ARHGAP15: variants seen among roughly 807,000 people sequenced by gnomAD.
ARHGAP15 encodes the protein rho GTPase-activating protein 15.
A neutral mutation model predicts 63.7 loss-of-function variants in ARHGAP15; 51 were observed. That is an observed-to-expected ratio of 0.80 (90% CI 0.64 to 1.01). The LOEUF (loss-of-function observed/expected upper bound fraction) is 1.01. Among genes scored for constraint, ARHGAP15 ranks in the 50% least tolerant of loss-of-function variants. The probability of loss-of-function intolerance (pLI) is 0.00; values close to 1 mark genes in which losing one functional copy is unlikely to be tolerated. For synonymous variants in ARHGAP15, 191 were observed against 193.8 expected, an observed-to-expected ratio of 0.99 and a Z score of 0.12; for missense variants, 560 against 564.6, an observed-to-expected ratio of 0.99 and a Z score of 0.08.
intron 8 of ARHGAP15, among the ~76,000 whole-genome samples, chr2:143,438,359 C>T (rs1186578846): frequency 6.6e-6 from 1 of 152,036 alleles, no homozygotes; most frequent in Non-Finnish European, 1.5e-5. Context: ...TATACACATA[C>T]ATGCACACAA....
chr2:143,740,554 C>T (rs1396566003), intron 13 of ARHGAP15, among the ~76,000 whole-genome samples: 2 of 152,240 alleles, frequency 1.3e-5, no homozygotes, highest in African/African-American at 2.4e-5. Flanking sequence ...AAGCAATATT[C>T]TCACCAGGCT....
intron 6 of ARHGAP15, among the ~76,000 whole-genome samples, chr2:143,384,968 G>C (rs1687216126): frequency 6.6e-6 from 1 of 152,084 alleles, no homozygotes; most frequent in African/African-American, 2.4e-5. Context: ...AAGATACTTT[G>C]TTTCATTCTA....
At chr2:143,739,738 C>CAT (rs1320191971) in intron 13 of ARHGAP15, among the ~76,000 whole-genome samples, 1 of 152,134 alleles carries the variant, frequency 6.6e-6, no homozygotes, top group Non-Finnish European at 1.5e-5. Flanking sequence ...CACTCTAGGC[C>CAT]ATAGCATTCA....
chr2:143,491,862 A>G (rs1396965808), intron 9 of ARHGAP15, among the ~76,000 whole-genome samples: 1 of 151,970 alleles, frequency 6.6e-6, no homozygotes, highest in African/African-American at 2.4e-5. Flanking sequence ...ACCAAGCCTC[A>G]TCTTAGCTTT....
intron 6 of ARHGAP15, among the ~76,000 whole-genome samples, chr2:143,378,751 CT>C (rs1236416223): frequency 6.6e-6 from 1 of 151,956 alleles, no homozygotes; most frequent in East Asian, 1.9e-4. Context: ...AAGAAATGCC[CT>C]AAAGACAGGT....
In ARHGAP15 at chr2:143,700,687, AGT is replaced by A. The variant is rs377690137; in HGVS notation, c.1139-2717_1139-2716del. Among the ~76,000 whole-genome samples, 448 of 147,000 alleles carry A rather than the reference AGT, an allele frequency of 3.0e-3. 1 individual carries two copies. The highest frequency in any genetic ancestry group is 5.4e-3 in the African/African-American group (222 of 41,040). Reference sequence around the variant, plus strand: ...CCTCTTGAATGAATATATATATATGAGTGTGTGTGTGTGTGTATACACACGCA... The same window carrying A: ...CCTCTTGAATGAATATATATATATGAGTGTGTGTGTGTGTATACACACGCA... On this transcript the variant is annotated intron_variant, in intron 12 of 13. Coordinates refer to ENST00000295095, the MANE Select transcript of ARHGAP15 (RefSeq NM_018460.4).
chr2:143,467,874 T>C (rs775789065), intron 8 of ARHGAP15, among the ~76,000 whole-genome samples: 25 of 152,200 alleles, frequency 1.6e-4, no homozygotes, highest in Non-Finnish European at 3.4e-4. Flanking sequence ...ATTTGTACTA[T>C]ATAATCATTG....
intron 12 of ARHGAP15, among the ~76,000 whole-genome samples, chr2:143,652,796 T>C (rs1681239400): frequency 6.6e-6 from 1 of 152,128 alleles, no homozygotes; most frequent in Non-Finnish European, 1.5e-5. Flanking sequence ...CAATTACTGG[T>C]TCTGATAGTT....
intron 11 of ARHGAP15, among the ~76,000 whole-genome samples, chr2:143,612,985 C>T (rs539414595): frequency 2.6e-5 from 4 of 152,282 alleles, no homozygotes; most frequent in South Asian, 2.1e-4. Context: ...TGCTCAATGA[C>T]GCTTAAAGTT....
In ARHGAP15 at chr2:143,552,568, T is replaced by C. The variant is rs10469551; in HGVS notation, c.926-3840T>C. 2.8e-4 allele frequency among the ~76,000 whole-genome samples: 35 copies of C among 123,760 alleles called. No homozygotes were observed. The East Asian group carries it at 8.0e-3, about 28-fold the overall frequency. 81.2% of individuals were successfully genotyped at this position (123,760 alleles called of 152,430 possible). A position where few individuals can be genotyped will look rare whatever the true frequency, so the allele number is the denominator to read the frequency against. On this transcript the variant is annotated intron_variant, in intron 10 of 13. Coordinates refer to ENST00000295095, the MANE Select transcript of ARHGAP15 (RefSeq NM_018460.4). ...TCTTCAGGAGAAAAAAAAGTCGGGG[T>C]GGGGAGGCAGGGGAAGACTTTTAAA...
At chr2:143,379,759 A>T (rs1387222450) in intron 6 of ARHGAP15, among the ~76,000 whole-genome samples, 1 of 152,058 alleles carries the variant, frequency 6.6e-6, no homozygotes, top group Admixed American at 6.6e-5. Flanking sequence ...TTTTTCAAGT[A>T]AATATACTTC....
At chr2:143,364,384 C>A (rs1469021789) in intron 6 of ARHGAP15, among the ~76,000 whole-genome samples, 2 of 152,050 alleles carry the variant, frequency 1.3e-5, no homozygotes, top group African/African-American at 4.8e-5. Context: ...GTTTAGGATT[C>A]ATTTAGGAGT....
chr2:143,431,417 A>C (rs1689383835), intron 6 of ARHGAP15, among the ~76,000 whole-genome samples: 1 of 152,076 alleles, frequency 6.6e-6, no homozygotes, highest in African/African-American at 2.4e-5. Context: ...CATTTGGAGA[A>C]TGTTTATTAT....
intron 6 of ARHGAP15, among the ~76,000 whole-genome samples, chr2:143,261,100 C>T (rs1680692273): frequency 6.6e-6 from 1 of 152,074 alleles, no homozygotes; most frequent in African/African-American, 2.4e-5. Flanking sequence ...TCATAAGTTG[C>T]TAATGTTTGT....
intron 6 of ARHGAP15, among the ~76,000 whole-genome samples, chr2:143,333,178 C>T (rs1684623781): frequency 6.6e-6 from 1 of 152,178 alleles, no homozygotes; most frequent in East Asian, 1.9e-4. Context: ...AGAAAAATTC[C>T]AAATGTGATT....
chr2:143,455,016 C>T (rs76049666), intron 8 of ARHGAP15, among the ~76,000 whole-genome samples: 12,287 of 151,904 alleles, frequency 0.081, 718 homozygotes, highest in Non-Finnish European at 0.12. Context: ...CAATCCAGAC[C>T]CCAAGACAGG....
chr2:143,259,403 A>T (rs1233506055), intron 6 of ARHGAP15, among the ~76,000 whole-genome samples: 1 of 152,200 alleles, frequency 6.6e-6, no homozygotes, highest in Non-Finnish European at 1.5e-5. Flanking sequence ...ACTAGAAAAC[A>T]ATTGAACCCC....
intron 6 of ARHGAP15, among the ~76,000 whole-genome samples, chr2:143,264,686 A>G (rs1479023514): frequency 6.6e-6 from 1 of 152,092 alleles, no homozygotes; most frequent in African/African-American, 2.4e-5. Context: ...GCAGTTTTAA[A>G]CCACTAAATA....
intron 6 of ARHGAP15, among the ~76,000 whole-genome samples, chr2:143,328,091 C>A (rs1253843630): frequency 6.6e-6 from 1 of 152,096 alleles, no homozygotes; most frequent in Non-Finnish European, 1.5e-5. Flanking sequence ...AGTCAGGAAA[C>A]AACAGATGCT....
Sources: allele counts gnomAD v4.1 joint callset (sites outside exome capture counted in the v4.1 genomes callset), GRCh38; gene constraint gnomAD v4.1.1; transcripts MANE v1.5; gene names NCBI Gene and HGNC (gene_info 2026-07-23, HGNC 2026-07-21).